Variants in NTM observed in about 807,000 individuals in gnomAD.
The protein encoded by NTM is IgLON family member 2.
In NTM, 13 loss-of-function variants were observed where a neutral mutation model predicts 42.1. The ratio of observed to expected loss-of-function variants is 0.31; its 90% CI spans 0.20 to 0.49. The LOEUF (loss-of-function observed/expected upper bound fraction) is 0.49. Among genes scored for constraint, NTM ranks in the 20% least tolerant of loss-of-function variants. The probability of loss-of-function intolerance (pLI) is 0.99; values close to 1 mark genes in which losing one functional copy is unlikely to be tolerated. For missense variants in NTM, 373 were observed against 452.8 expected (o/e 0.82, Z 1.60); for synonymous variants, 187 against 179.2 (o/e 1.04, Z -0.35).
chr11:131,831,984 C>G (rs911428345), intron 1 of NTM, among the ~76,000 whole-genome samples: 3 of 147,528 alleles, frequency 2.0e-5, no homozygotes, highest in African/African-American at 7.4e-5. Flanking sequence ...TATGAAAAGC[C>G]TAGTACATAT....
intron 2 of NTM, among the ~76,000 whole-genome samples, chr11:132,105,989 C>T (rs1475827478): frequency 6.6e-6 from 1 of 152,206 alleles, no homozygotes; most frequent in Non-Finnish European, 1.5e-5. Context: ...GCAAGGGAAG[C>T]TTAAACCTAA....
At chr11:132,220,997 T>A (rs1050475310) in intron 4 of NTM, among the ~76,000 whole-genome samples, 6 of 152,174 alleles carry the variant, frequency 3.9e-5, no homozygotes, top group African/African-American at 1.4e-4. Flanking sequence ...GGGTACCTCC[T>A]CGAGTCACAC....
intron 3 of NTM, among the ~76,000 whole-genome samples, chr11:132,159,417 A>G (rs937917487): frequency 6.6e-6 from 1 of 152,242 alleles, no homozygotes; most frequent in Non-Finnish European, 1.5e-5. Context: ...TTTACAAATA[A>G]GGGAAAAAAT....
At chr11:132,246,965 T>C (rs2091268477) in intron 4 of NTM, among the ~76,000 whole-genome samples, 1 of 152,202 alleles carries the variant, frequency 6.6e-6, no homozygotes, top group Non-Finnish European at 1.5e-5. Context: ...CATTTAAGCT[T>C]TGCAGATACT....
At chr11:131,656,272 G>T (rs1187926800) in intron 1 of NTM, among the ~76,000 whole-genome samples, 1 of 152,158 alleles carries the variant, frequency 6.6e-6, no homozygotes. Flanking sequence ...CAGTTACGGG[G>T]GTGGCTGGAG....
At chr11:131,602,717 A>G (rs531769775) in intron 1 of NTM, among the ~76,000 whole-genome samples, 1 of 152,316 alleles carries the variant, frequency 6.6e-6, no homozygotes, top group Non-Finnish European at 1.5e-5. Flanking sequence ...GACACCTTTC[A>G]GAAAGCTCAA....
rs1555127949 is a variant in NTM, at chr11:131,789,636, A to AGGAGAAGGAG, written c.83-121928_83-121927insGGAGAAGGAG. On this transcript the variant is annotated intron_variant, in intron 1 of 8. Transcript: ENST00000683400. ...AAGAAGAAGAAGAAGAAGAAGAAGA[A>AGGAGAAGGAG]AAGAAGAAGAAGAAGAAGAAGAAGA... is the stretch of plus-strand genomic sequence containing the variant. Among the ~76,000 whole-genome samples the AGGAGAAGGAG allele has an allele frequency of 3.8e-3, 117 of 30,902 alleles. 15 individuals carry two copies. The highest frequency in any genetic ancestry group is 7.3e-3 in the Non-Finnish European group (101 of 13,760). The allele number at this position is 30,902 out of a possible 152,430, so 20.3% of individuals were successfully genotyped here.
chr11:132,237,297 C>G (rs183359324), intron 4 of NTM, among the ~76,000 whole-genome samples: 3 of 152,136 alleles, frequency 2.0e-5, no homozygotes, highest in African/African-American at 4.8e-5. Flanking sequence ...GGTGGACTTA[C>G]GCTCTCGGCT....
At chr11:131,661,106 T>C (rs2739287) in intron 1 of NTM, 1,023,878 of 1,208,342 alleles carry the variant, frequency 0.85, 434,027 homozygotes, top group East Asian at 0.89. Context: ...GTCTTCCCCC[T>C]AGATTCGGTG....
At chr11:131,919,881 G>T (rs1016237456) in intron 2 of NTM, among the ~76,000 whole-genome samples, 1 of 152,088 alleles carries the variant, frequency 6.6e-6, no homozygotes, top group Non-Finnish European at 1.5e-5. Context: ...ATTATAGGTG[G>T]ACAAATCCCC....
intron 1 of NTM, among the ~76,000 whole-genome samples, chr11:131,700,900 G>T (rs2658862): frequency 6.6e-6 from 1 of 152,054 alleles, no homozygotes; most frequent in East Asian, 1.9e-4. Context: ...GTGGCTGCAG[G>T]TTTTGTCTCT....
chr11:131,597,597 C>G (rs1442057771), intron 1 of NTM, among the ~76,000 whole-genome samples: 1 of 152,332 alleles, frequency 6.6e-6, no homozygotes, highest in African/African-American at 2.4e-5. Flanking sequence ...TCTACCCTTA[C>G]CCCTGGGAAG....
At chr11:131,707,232 A>G (rs2076681444) in intron 1 of NTM, among the ~76,000 whole-genome samples, 1 of 152,064 alleles carries the variant, frequency 6.6e-6, no homozygotes, top group Non-Finnish European at 1.5e-5. Flanking sequence ...TTCCACATGC[A>G]GTAAGATCAT....
At chr11:132,264,066 A>G (rs1209786189) in intron 4 of NTM, among the ~76,000 whole-genome samples, 2 of 152,158 alleles carry the variant, frequency 1.3e-5, no homozygotes, top group Non-Finnish European at 2.9e-5. Flanking sequence ...AAATGTTTAT[A>G]TTGCCACCCA....
chr11:131,924,263 G>A (rs189346604), intron 2 of NTM, among the ~76,000 whole-genome samples: 4 of 152,240 alleles, frequency 2.6e-5, no homozygotes, highest in South Asian at 2.1e-4. Context: ...TTGTGGTCTC[G>A]GGGCCAAGGT....
intron 2 of NTM, among the ~76,000 whole-genome samples, chr11:131,914,472 C>T (rs2055921011): frequency 6.6e-6 from 1 of 152,178 alleles, no homozygotes; most frequent in South Asian, 2.1e-4. Flanking sequence ...TTCTTCATAA[C>T]CAGCAGAGGA....
chr11:131,647,342 A>T (rs1592352620), intron 1 of NTM, among the ~76,000 whole-genome samples: 1 of 152,228 alleles, frequency 6.6e-6, no homozygotes, highest in East Asian at 1.9e-4. Context: ...ATAGGTGATT[A>T]AAGAGTGCCA....
chr11:131,594,562 A>AT (rs1218016332), intron 1 of NTM, among the ~76,000 whole-genome samples: 4 of 112,704 alleles, frequency 3.5e-5, no homozygotes, highest in Admixed American at 2.0e-4. Context: ...GCCCAGCTAA[A>AT]TTAAAAAAAA....
chr11:131,997,703 A>G (rs2068336335), intron 2 of NTM, among the ~76,000 whole-genome samples: 1 of 152,102 alleles, frequency 6.6e-6, no homozygotes, highest in Admixed American at 6.5e-5. Flanking sequence ...TGCAGCTGTC[A>G]CAATAATTGG....
Sources: allele counts gnomAD v4.1 joint callset (sites outside exome capture counted in the v4.1 genomes callset), GRCh38; gene constraint gnomAD v4.1.1; transcripts MANE v1.5; gene names NCBI Gene and HGNC (gene_info 2026-07-23, HGNC 2026-07-21).